C2orf49: variants seen among roughly 807,000 people sequenced by gnomAD.
The protein encoded by C2orf49 is tRNA splicing ligase complex subunit 2, also known as tRNA-splicing ligase complex subunit ASW.
Under a neutral mutation model 20.6 loss-of-function variants are expected in C2orf49, and 11 were observed. That is an observed-to-expected ratio of 0.53 (90% CI 0.34 to 0.88). C2orf49 has a LOEUF of 0.88. Among genes scored for constraint, C2orf49 ranks in the 40% least tolerant of loss-of-function variants. The pLI is 0.02. For synonymous variants in C2orf49, 134 were observed against 108.5 expected (o/e 1.24, Z -1.46); for missense variants, 289 against 274.2 (o/e 1.05, Z -0.38).
chr2:105,337,750 G>A, intron 1 of C2orf49, 64 bp downstream of exon 1: 2 of 1,441,142 alleles, frequency 1.4e-6, no homozygotes, highest in Non-Finnish European at 1.9e-6. Context: ...TTGCACCCGA[G>A]CTTGCCTTAA....
At chr2:105,343,337 A>G (rs1679724114) in intron 3 of C2orf49, 114 bp downstream of exon 3, 2 of 997,988 alleles carry the variant, frequency 2.0e-6, no homozygotes, top group South Asian at 1.9e-5. Flanking sequence ...AACCCTTTTG[A>G]TGGTCTGTCT....
the C2orf49 span, among the ~76,000 whole-genome samples, chr2:105,374,938 A>G: frequency 6.6e-6 from 1 of 152,214 alleles, no homozygotes; most frequent in Admixed American, 6.5e-5. Flanking sequence ...TGAACAGGGC[A>G]CAGGAGGGCT....
At chr2:105,374,582 A>G in the C2orf49 span, 107,723 of 151,882 alleles carry the variant, frequency 0.71, 38,632 homozygotes, top group African/African-American at 0.79. Flanking sequence ...AGCACACATG[A>G]GAGAGGCCCT....
In C2orf49 at chr2:105,346,859, G is replaced by A. The variant is rs937920308; in HGVS notation, c.*1488G>A. 3 of 152,050 alleles carry A rather than the reference G, an allele frequency of 2.0e-5. No individual in the cohort carries two copies. The highest frequency in any genetic ancestry group is 4.4e-5 in the Non-Finnish European group (3 of 68,018). 9.4% of individuals were successfully genotyped at this position (152,050 alleles called of 1,614,324 possible). A position where few individuals can be genotyped will look rare whatever the true frequency, so the allele number is the denominator to read the frequency against. On this transcript the variant is annotated 3_prime_UTR_variant, in exon 4 of 4. Coordinates refer to ENST00000258457, the MANE Select transcript of C2orf49 (RefSeq NM_024093.3). ...ATAATGGAAATCAGTGGGAAAATAG[G>A]GTTTACCTTATATTCATGAGTTCTA...
chr2:105,367,758 G>A, the C2orf49 span: 4 of 1,610,244 alleles, frequency 2.5e-6, no homozygotes, highest in South Asian at 3.3e-5. Flanking sequence ...AGGGTCAAGA[G>A]GAACACAGCA....
At chr2:105,378,216 C>A in the C2orf49 span, 7 of 470,668 alleles carry the variant, frequency 1.5e-5, no homozygotes, top group East Asian at 4.9e-4. Context: ...CACAAAAATG[C>A]AATAGCTACA....
At chr2:105,367,584 C>T in the C2orf49 span, 46 of 1,613,092 alleles carry the variant, frequency 2.9e-5, no homozygotes, top group Middle Eastern at 3.3e-4. Context: ...TTGCACTGAA[C>T]GCACTGCATG....
downstream of C2orf49, among the ~76,000 whole-genome samples, chr2:105,351,647 T>G (rs536326686): frequency 5.9e-5 from 9 of 151,974 alleles, no homozygotes; most frequent in South Asian, 1.9e-3. Flanking sequence ...ATCCCATGAT[T>G]GTGTTTTCTT....
At chr2:105,361,553 G>T in the C2orf49 span, 1 of 819,124 alleles carries the variant, frequency 1.2e-6, no homozygotes, top group Non-Finnish European at 1.9e-6. Flanking sequence ...TGGATAATGT[G>T]AATTTCTAGT....
At chr2:105,354,609 T>A in the C2orf49 span, among the ~76,000 whole-genome samples, 1 of 151,794 alleles carries the variant, frequency 6.6e-6, no homozygotes, top group Non-Finnish European at 1.5e-5. Flanking sequence ...GAGGTTGCAG[T>A]GAGCCCTGAT....
At chr2:105,367,559 A>C in the C2orf49 span, 1 of 1,607,196 alleles carries the variant, frequency 6.2e-7, no homozygotes, top group South Asian at 1.1e-5. Context: ...CCAAGGGGGC[A>C]TCTGAGATAC....
intron 1 of C2orf49, 35 bp downstream of exon 1, chr2:105,337,721 G>GCCC: frequency 1.1e-4 from 3 of 26,798 alleles, no homozygotes; most frequent in South Asian, 1.6e-3. Flanking sequence ...GGGCGGGTGG[G>GCCC]CCTTCCCAGG....
rs181169987 is a variant in C2orf49, at chr2:105,343,350, T to A, written c.642+127T>A. ...TGAACCCTTTTGATGGTCTGTCTGA[T>A]TTGTATAATACAACTTATTACTCCA... On this transcript the variant is annotated intron_variant, in intron 3 of 3. Transcript: ENST00000258457. The A allele has an allele frequency of 3.6e-6, 3 of 841,890 alleles. No homozygotes were observed. In the East Asian group the frequency reaches 7.7e-5, roughly 22 times the overall value. The allele number at this position is 841,890 out of a possible 1,614,324, so 52.2% of individuals were successfully genotyped here. A position where few individuals can be genotyped will look rare whatever the true frequency, so the allele number is the denominator to read the frequency against.
Position 105,345,570 on chromosome 2 carries a change from G to A in C2orf49, c.*199G>A, listed in dbSNP as rs1679791268. On this transcript the variant is annotated 3_prime_UTR_variant, in exon 4 of 4. Coordinates refer to ENST00000258457, the MANE Select transcript of C2orf49 (RefSeq NM_024093.3). Reference sequence around the variant, plus strand: ...CTTTTTTAAAATTCTTGCCTGTCTTGCCCTGATTAGGAAAGAATATCTTTT... The same window carrying A: ...CTTTTTTAAAATTCTTGCCTGTCTTACCCTGATTAGGAAAGAATATCTTTT... 1 of 596,680 alleles carries A rather than the reference G, an allele frequency of 1.7e-6. No individual in the cohort carries two copies. The highest frequency in any genetic ancestry group is 3.0e-6 in the Non-Finnish European group (1 of 335,148). The allele number at this position is 596,680 out of a possible 1,614,324, so 37.0% of individuals were successfully genotyped here. A position where few individuals can be genotyped will look rare whatever the true frequency, so the allele number is the denominator to read the frequency against.
chr2:105,354,653 CA>C, the C2orf49 span, among the ~76,000 whole-genome samples: 1 of 137,044 alleles, frequency 7.3e-6, no homozygotes, highest in African/African-American at 2.8e-5. Context: ...GCGACAACAG[CA>C]AAACTCCATC....
the C2orf49 span, among the ~76,000 whole-genome samples, chr2:105,357,158 T>G: frequency 6.6e-6 from 1 of 152,172 alleles, no homozygotes. Context: ...TTTTTTTCTC[T>G]CTCCTAGCCT....
At chr2:105,356,843 C>T in the C2orf49 span, among the ~76,000 whole-genome samples, 4 of 152,168 alleles carry the variant, frequency 2.6e-5, no homozygotes, top group African/African-American at 9.7e-5. Flanking sequence ...TGGGTATGGT[C>T]TCTGCATTTA....
At chr2:105,376,979 G>A in the C2orf49 span, among the ~76,000 whole-genome samples, 4 of 152,236 alleles carry the variant, frequency 2.6e-5, no homozygotes, top group African/African-American at 9.6e-5. Flanking sequence ...CATTCATGGA[G>A]ACAGAAAGTA....
chr2:105,384,009 A>G, the C2orf49 span, among the ~76,000 whole-genome samples: 1 of 152,220 alleles, frequency 6.6e-6, no homozygotes, highest in Non-Finnish European at 1.5e-5. Flanking sequence ...ACTCTTGTTT[A>G]TTTGCTCATA....
Sources: gnomAD v4.1 joint callset for allele counts (sites outside exome capture counted in the v4.1 genomes callset) on GRCh38, gnomAD v4.1.1 for gene constraint, MANE v1.5 for transcripts, NCBI Gene and HGNC (gene_info 2026-07-23, HGNC 2026-07-21) for gene names.